COL5A1: variants seen among roughly 807,000 people sequenced by gnomAD.
COL5A1 encodes the protein collagen type V alpha 1 chain, also known as collagen alpha-1(V) chain.
A neutral mutation model predicts 263.7 loss-of-function variants in COL5A1; 16 were observed. The ratio of observed to expected loss-of-function variants is 0.06; its 90% CI spans 0.04 to 0.09. COL5A1 has a LOEUF of 0.09. COL5A1 is among the 10% of genes least tolerant of loss of function. The pLI is 1.00. For missense variants in COL5A1, 2,036 were observed against 2,540.5 expected, an observed-to-expected ratio of 0.80 and a Z score of 4.27; for synonymous variants, 1,012 against 1,004.5, an observed-to-expected ratio of 1.01 and a Z score of -0.14.
At position 134,801,941 on chromosome 9, in the gene COL5A1, T is replaced by A; in HGVS notation, c.2953-13T>A. ...ACTGCAGCACCGTCAGTGCAGTGAC[T>A]CTCTCTTCACAGGGTTTCCAAGGCA... is the stretch of plus-strand genomic sequence containing the variant. On this transcript the variant is annotated splice_polypyrimidine_tract_variant and intron_variant, in intron 37 of 65. Transcript: ENST00000371817. 1 of 1,613,154 alleles carries A rather than the reference T, an allele frequency of 6.2e-7. No homozygotes were observed. Among genetic ancestry groups the A allele is most frequent in the Admixed American group, 1.7e-5 (1 of 60,030 alleles).
intron 61 of COL5A1, among the ~76,000 whole-genome samples, chr9:134,823,881 G>A (rs1475512589): frequency 1.3e-5 from 2 of 152,118 alleles, no homozygotes; most frequent in Non-Finnish European, 2.9e-5. Flanking sequence ...CATGATGTGT[G>A]TATGGGTATG....
chr9:134,645,011 A>G (rs1449881223), intron 1 of COL5A1, among the ~76,000 whole-genome samples: 1 of 152,008 alleles, frequency 6.6e-6, no homozygotes, highest in Non-Finnish European at 1.5e-5. Context: ...AGTGAGTGGG[A>G]GGAGCTCAGA....
chr9:134,643,120 G>A (rs997211582), intron 1 of COL5A1, among the ~76,000 whole-genome samples: 2 of 152,312 alleles, frequency 1.3e-5, no homozygotes, highest in African/African-American at 4.8e-5. Context: ...CTTCAAGGCG[G>A]GGACTGTCTG....
chr9:134,835,289 A>G, intron 65 of COL5A1, 85 bp downstream of exon 65: 1 of 1,264,738 alleles, frequency 7.9e-7, no homozygotes, highest in Non-Finnish European at 1.1e-6. Context: ...ACCTGTCCCC[A>G]AGATGCCTGC....
At chr9:134,654,137 G>GT (rs1831803867) in intron 1 of COL5A1, among the ~76,000 whole-genome samples, 2 of 142,670 alleles carry the variant, frequency 1.4e-5, no homozygotes, top group African/African-American at 2.6e-5. Flanking sequence ...TAGTGCTGGG[G>GT]GTGTGTAGGG....
In COL5A1 at chr9:134,820,047, T is replaced by C. The variant is rs563555510; in HGVS notation, c.4447-69T>C. 2.4e-5 allele frequency: 27 copies of C among 1,130,984 alleles called. No homozygotes were observed. In the African/African-American group the frequency reaches 3.7e-4, roughly 15 times the overall value. The allele number at this position is 1,130,984 out of a possible 1,614,324, so 70.1% of individuals were successfully genotyped here. On this transcript the variant is annotated intron_variant, in intron 57 of 65. Transcript: ENST00000371817. ...TGCCATGGCTGTGCTGCGTGCTAACTGGCCCACCGTGGCCGAGCATGAGGC... is the reference window on the plus strand; with the variant it reads ...TGCCATGGCTGTGCTGCGTGCTAACCGGCCCACCGTGGCCGAGCATGAGGC...
chr9:134,649,484 C>T (rs1831593902), intron 1 of COL5A1: 1 of 470,706 alleles, frequency 2.1e-6, no homozygotes, highest in African/African-American at 2.0e-5. Context: ...CCTTTATTTT[C>T]TGTTTCCTAG....
chr9:134,814,901 C>T lies in COL5A1; in HGVS notation c.4011C>T (p.Ser1337=), dbSNP rs1363178603. The T allele has an allele frequency of 5.2e-6, 8 of 1,549,934 alleles. No individual in the cohort carries two copies. The highest frequency in any genetic ancestry group is 7.0e-6 in the Non-Finnish European group (8 of 1,146,186). The part of the protein sequence containing the change: ...GPPGDDGPKG[S]PGPVGFPGDP... Reference sequence around the variant, plus strand: ...CCGGAGATGATGGTCCCAAAGGCAGCCCTGTGAGTATTCCAGACACACCTC... The same window carrying T: ...CCGGAGATGATGGTCCCAAAGGCAGTCCTGTGAGTATTCCAGACACACCTC... The change falls in exon 50 of 66, where the codon AGC becomes AGT. Residue 1337 remains serine, a synonymous_variant. Transcript: ENST00000371817.
At chr9:134,688,188 A>G (rs1833144534) in intron 1 of COL5A1, among the ~76,000 whole-genome samples, 1 of 152,228 alleles carries the variant, frequency 6.6e-6, no homozygotes, top group Non-Finnish European at 1.5e-5. Flanking sequence ...ATCTGCGAAC[A>G]TGTCCACCAA....
At position 134,823,114 on chromosome 9, in the gene COL5A1, C is replaced by T. The variant is rs912923408; in HGVS notation, c.4644+81C>T. ...GGTCCCCTGGCACGGGAACAAACTA[C>T]CCAGACAACCGTCCTAGCTCAGGCC... On this transcript the variant is annotated intron_variant, in intron 60 of 65. Transcript: ENST00000371817. The T allele has an allele frequency of 1.3e-4, 188 of 1,479,102 alleles. 1 individual carries two copies. The highest frequency in any genetic ancestry group is 8.6e-4 in the Middle Eastern group (5 of 5,812). 91.6% of individuals were successfully genotyped at this position (1,479,102 alleles called of 1,614,324 possible).
At chr9:134,729,163 G>A (rs1834770128) in intron 6 of COL5A1, among the ~76,000 whole-genome samples, 1 of 152,210 alleles carries the variant, frequency 6.6e-6, no homozygotes, top group Non-Finnish European at 1.5e-5. Context: ...TGTGGTGGGA[G>A]AGGAGAGAGG....
intron 42 of COL5A1, among the ~76,000 whole-genome samples, chr9:134,808,430 GA>G (rs944844222): frequency 1.3e-5 from 2 of 152,172 alleles, no homozygotes; most frequent in African/African-American, 4.8e-5. Flanking sequence ...ACAAGGACAG[GA>G]AAAATAGTGT....
At chr9:134,822,359 G>A (rs1839042766) in intron 59 of COL5A1, among the ~76,000 whole-genome samples, 1 of 152,208 alleles carries the variant, frequency 6.6e-6, no homozygotes, top group Non-Finnish European at 1.5e-5. Flanking sequence ...ATGGTTTTTG[G>A]TGGGGAAGAC....
At chr9:134,650,749 G>C (rs2132471787) in intron 1 of COL5A1, among the ~76,000 whole-genome samples, 1 of 152,396 alleles carries the variant, frequency 6.6e-6, no homozygotes, top group Non-Finnish European at 1.5e-5. Flanking sequence ...ACGTTCCCGT[G>C]CATGTTCTTC....
At chr9:134,767,207 C>A in intron 23 of COL5A1, 103 bp from the exon 24 acceptor site, 1 of 1,465,142 alleles carries the variant, frequency 6.8e-7, no homozygotes, top group Non-Finnish European at 9.6e-7. Context: ...GGGTTGGTGC[C>A]TGGATGAGGG....
At position 134,642,252 on chromosome 9, in the gene COL5A1, C is replaced by CGCTGCT. The variant is rs773994971; in HGVS notation, c.79_84dup (p.Leu27_Leu28dup). On this transcript the variant is annotated inframe_insertion, in exon 1 of 66. Coordinates refer to ENST00000371817, the MANE Select transcript of COL5A1 (RefSeq NM_000093.5). The surrounding 1 kb of genome is among the most constrained non-coding windows in gnomAD (Gnocchi z 4.5). ...CGCCCGGGCGCCCCGCTGCTGCCCCCGCTGCTGCTGCTGCTGCTGTGGGCG... is the reference window on the plus strand; with the variant it reads ...CGCCCGGGCGCCCCGCTGCTGCCCCCGCTGCTGCTGCTGCTGCTGCTGCTGTGGGCG... The CGCTGCT allele has an allele frequency of 2.4e-6, 3 of 1,270,286 alleles. No homozygotes were observed. Among genetic ancestry groups the CGCTGCT allele is most frequent in the Non-Finnish European group, 2.0e-6 (2 of 1,001,656 alleles). 78.7% of individuals were successfully genotyped at this position (1,270,286 alleles called of 1,614,324 possible).
At chr9:134,826,609 GGT>G (rs1408321866) in intron 63 of COL5A1, among the ~76,000 whole-genome samples, 1 of 151,334 alleles carries the variant, frequency 6.6e-6, no homozygotes, top group African/African-American at 2.4e-5. Context: ...GTATGTGGAT[GGT>G]GTGTGTGTAG....
intron 27 of COL5A1, among the ~76,000 whole-genome samples, chr9:134,776,416 C>A (rs559737871): frequency 3.2e-4 from 49 of 152,320 alleles, no homozygotes; most frequent in Middle Eastern, 3.4e-3. Flanking sequence ...TCTTGCCTAT[C>A]TGATTAAAAT....
chr9:134,650,325 C>T (rs1831632973), intron 1 of COL5A1, among the ~76,000 whole-genome samples: 1 of 152,210 alleles, frequency 6.6e-6, no homozygotes, highest in Non-Finnish European at 1.5e-5. Context: ...GACCGTCTTC[C>T]ATTCTGCTGG....
Sources: allele counts gnomAD v4.1 joint callset (sites outside exome capture counted in the v4.1 genomes callset), GRCh38; gene constraint gnomAD v4.1.1; non-coding constraint Gnocchi (gnomAD v3.1); transcripts MANE v1.5; gene names NCBI Gene and HGNC (gene_info 2026-07-23, HGNC 2026-07-21).